Variants in ZNF804A observed in about 807,000 individuals in gnomAD.
ZNF804A encodes zinc finger protein 804A.
A neutral mutation model predicts 16.5 loss-of-function variants in ZNF804A; 2 were observed. The ratio of observed to expected loss-of-function variants is 0.12; its 90% CI spans 0.05 to 0.38. The LOEUF (loss-of-function observed/expected upper bound fraction) is 0.38, where lower values mean the gene tolerates loss of function less well. Among genes scored for constraint, ZNF804A ranks in the 10% least tolerant of loss-of-function variants. The probability of loss-of-function intolerance (pLI) is 0.99; values close to 1 mark genes in which losing one functional copy is unlikely to be tolerated. For synonymous variants in ZNF804A, 534 were observed against 489.6 expected (o/e 1.09, Z -1.20); for missense variants, 1,473 against 1,390.7 (o/e 1.06, Z -0.94).
At chr2:184,808,024 A>G (rs1694838371) in intron 1 of ZNF804A, among the ~76,000 whole-genome samples, 1 of 151,598 alleles carries the variant, frequency 6.6e-6, no homozygotes, top group Non-Finnish European at 1.5e-5. Flanking sequence ...TTTTCTTTGA[A>G]TTGCAGAATT....
rs1558975999 is a variant in ZNF804A at position 184,832,678 on chromosome 2, TC to T, written c.112-33686del. On this transcript the variant is annotated intron_variant, in intron 1 of 3. Transcript: ENST00000302277. ...TTCTTAATTTCCACTATCTTTTTCA[TC>T]CCCCAAATAGACATCTATTGTAAAT... Among the ~76,000 whole-genome samples the T allele has an allele frequency of 2.1e-5, 3 of 141,482 alleles. No homozygotes were observed. In the South Asian group the frequency reaches 6.4e-4, roughly 30 times the overall value. The allele number at this position is 141,482 out of a possible 152,430, so 92.8% of individuals were successfully genotyped here.
intron 1 of ZNF804A, among the ~76,000 whole-genome samples, chr2:184,618,495 G>A (rs1040408066): frequency 6.6e-6 from 1 of 152,036 alleles, no homozygotes; most frequent in Non-Finnish European, 1.5e-5. Flanking sequence ...TAAAATTCAG[G>A]TGTTAAAATA....
At chr2:184,614,782 A>T (rs907145134) in intron 1 of ZNF804A, among the ~76,000 whole-genome samples, 1 of 152,236 alleles carries the variant, frequency 6.6e-6, no homozygotes, top group Non-Finnish European at 1.5e-5. Flanking sequence ...CAAACATGAA[A>T]AAAAGCTCAT....
intron 1 of ZNF804A, among the ~76,000 whole-genome samples, chr2:184,705,375 T>A (rs913246787): frequency 1.3e-5 from 2 of 152,198 alleles, no homozygotes; most frequent in Non-Finnish European, 2.9e-5. Flanking sequence ...GATATGGGAA[T>A]GTAAAAATAA....
chr2:184,867,043 A>G (rs921878346), intron 2 of ZNF804A, among the ~76,000 whole-genome samples: 5 of 151,964 alleles, frequency 3.3e-5, no homozygotes, highest in Non-Finnish European at 7.4e-5. Context: ...AGTACTTAAT[A>G]TATCTATGAT....
At chr2:184,782,689 T>C (rs1694389597) in intron 1 of ZNF804A, among the ~76,000 whole-genome samples, 1 of 148,550 alleles carries the variant, frequency 6.7e-6, no homozygotes, top group African/African-American at 2.5e-5. Flanking sequence ...GTATATCCTA[T>C]ATATAGGATA....
At chr2:184,777,522 C>T (rs1694307004) in intron 1 of ZNF804A, among the ~76,000 whole-genome samples, 1 of 151,316 alleles carries the variant, frequency 6.6e-6, no homozygotes, top group South Asian at 2.1e-4. Flanking sequence ...TACCTCATAC[C>T]AATGCCCAGT....
At chr2:184,692,780 A>G (rs551434998) in intron 1 of ZNF804A, among the ~76,000 whole-genome samples, 2 of 152,226 alleles carry the variant, frequency 1.3e-5, no homozygotes, top group South Asian at 4.1e-4. Flanking sequence ...ATATCATCGT[A>G]ATAATAACTA....
intron 2 of ZNF804A, among the ~76,000 whole-genome samples, chr2:184,873,658 T>C (rs1696009090): frequency 6.6e-6 from 1 of 152,164 alleles, no homozygotes; most frequent in Non-Finnish European, 1.5e-5. Context: ...ATGATTTTAT[T>C]GTAGAAATAT....
intron 2 of ZNF804A, among the ~76,000 whole-genome samples, chr2:184,896,857 C>T (rs567533863): frequency 2.6e-4 from 37 of 141,090 alleles, no homozygotes; most frequent in Admixed American, 9.8e-4. Flanking sequence ...ATCAGGCAAG[C>T]GAGTTATCTT....
chr2:184,865,264 T>C (rs969275804), intron 1 of ZNF804A, among the ~76,000 whole-genome samples: 1 of 151,958 alleles, frequency 6.6e-6, no homozygotes, highest in African/African-American at 2.4e-5. Flanking sequence ...GAAGTTTAGG[T>C]CTTCTTCACA....
chr2:184,779,317 C>A (rs1415768875), intron 1 of ZNF804A, among the ~76,000 whole-genome samples: 2 of 151,344 alleles, frequency 1.3e-5, no homozygotes, highest in African/African-American at 4.9e-5. Flanking sequence ...GTTTTGTTTT[C>A]TTTTTTCCTA....
chr2:184,829,935 A>G (rs76219681), intron 1 of ZNF804A, among the ~76,000 whole-genome samples: 2 of 134,056 alleles, frequency 1.5e-5, no homozygotes, highest in African/African-American at 3.5e-5. Context: ...AAAACAAAAA[A>G]AAAAAAACCA....
intron 2 of ZNF804A, among the ~76,000 whole-genome samples, chr2:184,881,153 C>G (rs1374194329): frequency 6.6e-6 from 1 of 151,982 alleles, no homozygotes; most frequent in East Asian, 1.9e-4. Flanking sequence ...ATCCACCCAG[C>G]TGAGGAAGGA....
chr2:184,683,932 T>C (rs1239780503), intron 1 of ZNF804A, among the ~76,000 whole-genome samples: 3 of 152,196 alleles, frequency 2.0e-5, no homozygotes, highest in African/African-American at 7.2e-5. Context: ...TCCTCTATTG[T>C]TTCTTTTGTG....
intron 2 of ZNF804A, among the ~76,000 whole-genome samples, chr2:184,893,369 A>G (rs1480071115): frequency 6.6e-6 from 1 of 151,934 alleles, no homozygotes; most frequent in Non-Finnish European, 1.5e-5. Context: ...TTATAGAAGT[A>G]TTTCTTAATT....
intron 1 of ZNF804A, among the ~76,000 whole-genome samples, chr2:184,825,061 G>C (rs1049667024): frequency 6.6e-6 from 1 of 152,020 alleles, no homozygotes; most frequent in African/African-American, 2.4e-5. Flanking sequence ...TTTTATTATG[G>C]CTGTTTTTAG....
chr2:184,607,967 A>G (rs1187694994), intron 1 of ZNF804A, among the ~76,000 whole-genome samples: 1 of 29,176 alleles, frequency 3.4e-5, no homozygotes, highest in South Asian at 1.1e-3. Flanking sequence ...TTTTTTTGAG[A>G]CGGAGTCTCG....
chr2:184,659,864 G>A (rs17508706), intron 1 of ZNF804A, among the ~76,000 whole-genome samples: 16,657 of 152,240 alleles, frequency 0.11, 1,182 homozygotes, highest in Non-Finnish European at 0.16. Context: ...TGAAGTATAC[G>A]ATAGTCAGAT....
Sources: allele counts gnomAD v4.1 joint callset (sites outside exome capture counted in the v4.1 genomes callset), GRCh38; gene constraint gnomAD v4.1.1; transcripts MANE v1.5; gene names NCBI Gene and HGNC (gene_info 2026-07-23, HGNC 2026-07-21).